The following PTPRD variants were observed in gnomAD, a reference collection of about 807,000 sequenced individuals.
PTPRD encodes protein tyrosine phosphatase receptor type D.
In PTPRD, 34 loss-of-function variants were observed where a neutral mutation model predicts 214.5. The observed-to-expected ratio is 0.16, with a 90% CI of 0.12 to 0.21. The LOEUF (loss-of-function observed/expected upper bound fraction) is 0.21. Among genes scored for constraint, PTPRD ranks in the 10% least tolerant of loss-of-function variants. The probability of loss-of-function intolerance (pLI) is 1.00; values close to 1 mark genes in which losing one functional copy is unlikely to be tolerated. For synonymous variants in PTPRD, 1,128 were observed against 845.7 expected (o/e 1.33, Z -5.79); for missense variants, 2,545 against 2,398.7 (o/e 1.06, Z -1.27).
At chr9:8,416,152 A>C (rs993746363) in intron 35 of PTPRD, among the ~76,000 whole-genome samples, 1 of 152,182 alleles carries the variant, frequency 6.6e-6, no homozygotes, top group African/African-American at 2.4e-5. Context: ...GCCTTAATAT[A>C]ATAGTAGATT....
intron 7 of PTPRD, among the ~76,000 whole-genome samples, chr9:9,677,580 G>C (rs2096961250): frequency 6.6e-6 from 1 of 151,972 alleles, no homozygotes. Context: ...AAAATAATAA[G>C]AGCTATCTAT....
At chr9:9,953,604 G>A (rs2093645959) in intron 4 of PTPRD, among the ~76,000 whole-genome samples, 1 of 151,868 alleles carries the variant, frequency 6.6e-6, no homozygotes, top group African/African-American at 2.4e-5. Flanking sequence ...TAAACAACAC[G>A]TCATGTAGGA....
chr9:9,498,350 C>A (rs1050767377), intron 8 of PTPRD, among the ~76,000 whole-genome samples: 2 of 152,090 alleles, frequency 1.3e-5, no homozygotes, highest in African/African-American at 2.4e-5. Context: ...AGAGCTGTAA[C>A]TTCTAAAGAT....
intron 7 of PTPRD, among the ~76,000 whole-genome samples, chr9:9,650,973 T>C (rs986268536): frequency 6.6e-6 from 1 of 151,974 alleles, no homozygotes; most frequent in Non-Finnish European, 1.5e-5. Flanking sequence ...TATGAGGACA[T>C]TTATATTAAA....
intron 12 of PTPRD, among the ~76,000 whole-genome samples, chr9:8,732,698 A>C (rs2098673328): frequency 6.6e-6 from 1 of 152,202 alleles, no homozygotes; most frequent in Non-Finnish European, 1.5e-5. Context: ...TATTAATGTT[A>C]TTCCTTTCAC....
At chr9:10,155,041 T>C (rs2099084805) in intron 3 of PTPRD, among the ~76,000 whole-genome samples, 1 of 152,138 alleles carries the variant, frequency 6.6e-6, no homozygotes, top group Admixed American at 6.5e-5. Context: ...TTGGGAAGTA[T>C]GGCCATTTTA....
At chr9:9,793,770 T>C (rs1175388350) in intron 5 of PTPRD, among the ~76,000 whole-genome samples, 1 of 152,110 alleles carries the variant, frequency 6.6e-6, no homozygotes, top group Non-Finnish European at 1.5e-5. Flanking sequence ...TCCTACTTGG[T>C]TTCCATTAGA....
At chr9:9,646,782 A>G (rs1247028347) in intron 7 of PTPRD, among the ~76,000 whole-genome samples, 2 of 152,162 alleles carry the variant, frequency 1.3e-5, no homozygotes, top group African/African-American at 4.8e-5. Context: ...TAAAGTTTAA[A>G]ATTAGTTTAT....
chr9:9,248,495 G>C (rs749298580), intron 9 of PTPRD, among the ~76,000 whole-genome samples: 24 of 151,978 alleles, frequency 1.6e-4, no homozygotes, highest in Non-Finnish European at 3.4e-4. Flanking sequence ...TAATGTTAGG[G>C]CAACATTTAG....
At chr9:10,020,429 G>A (rs1022748266) in intron 4 of PTPRD, among the ~76,000 whole-genome samples, 4 of 140,346 alleles carry the variant, frequency 2.9e-5, no homozygotes, top group African/African-American at 1.1e-4. Flanking sequence ...AGCCTCCCGA[G>A]TAGCTGGGAC....
intron 13 of PTPRD, among the ~76,000 whole-genome samples, chr9:8,635,231 C>T (rs995253016): frequency 2.6e-5 from 4 of 151,312 alleles, no homozygotes; most frequent in African/African-American, 9.7e-5. Flanking sequence ...AGAGATCATG[C>T]TGTGAAATAT....
At position 9,368,132 on chromosome 9, in the gene PTPRD, T is replaced by G. The variant is rs1485573897; in HGVS notation, c.-203+29317A>C. Among the ~76,000 whole-genome samples, 4 of 151,928 alleles carry G rather than the reference T, an allele frequency of 2.6e-5. No homozygotes were observed. In the East Asian group the frequency reaches 7.8e-4, roughly 30 times the overall value. On this transcript the variant is annotated intron_variant, in intron 9 of 45. Transcript: ENST00000381196. ...CGGCCCAAATTTGATTTTAAGTATG[T>G]CAAAAACTGATCAAGGCCCATGGGG... is the stretch of plus-strand genomic sequence containing the variant.
At chr9:9,202,453 T>C (rs2099942438) in intron 9 of PTPRD, among the ~76,000 whole-genome samples, 1 of 152,210 alleles carries the variant, frequency 6.6e-6, no homozygotes, top group Admixed American at 6.5e-5. Context: ...TATTGTTGGA[T>C]TGAAAATTTT....
chr9:9,720,228 A>G lies in PTPRD; in HGVS notation c.-287+14305T>C, dbSNP rs568053960. Among the ~76,000 whole-genome samples the G allele has an allele frequency of 9.2e-5, 14 of 152,270 alleles. No individual in the cohort carries two copies. The East Asian group carries it at 2.7e-3, about 29-fold the overall frequency. ...CAGTGAGCATTTTCATCCAAAGTAG[A>G]TCTTCATAATTGGAAATAATTTACA... On this transcript the variant is annotated intron_variant, in intron 7 of 45. Transcript: ENST00000381196.
At chr9:8,886,147 C>A (rs1372504600) in intron 11 of PTPRD, among the ~76,000 whole-genome samples, 2 of 152,122 alleles carry the variant, frequency 1.3e-5, no homozygotes, top group Non-Finnish European at 2.9e-5. Flanking sequence ...TTAAGTCCAG[C>A]TGATTTGTTC....
chr9:9,941,386 G>T (rs1466527953), intron 4 of PTPRD, among the ~76,000 whole-genome samples: 1 of 152,182 alleles, frequency 6.6e-6, no homozygotes, highest in Non-Finnish European at 1.5e-5. Context: ...GCAGTGGCAT[G>T]ATCTCAGCTC....
chr9:9,550,703 T>C (rs1305665313), intron 8 of PTPRD, among the ~76,000 whole-genome samples: 1 of 151,594 alleles, frequency 6.6e-6, no homozygotes, highest in African/African-American at 2.4e-5. Flanking sequence ...ATAAACTAGT[T>C]GCAAATCACT....
intron 11 of PTPRD, among the ~76,000 whole-genome samples, chr9:8,829,002 A>C (rs570210634): frequency 2.0e-5 from 3 of 152,352 alleles, no homozygotes; most frequent in South Asian, 4.2e-4. Context: ...TGTGCCAGCA[A>C]TGCCATCTAT....
chr9:9,750,415 C>A (rs761643218), intron 6 of PTPRD, among the ~76,000 whole-genome samples: 1 of 152,194 alleles, frequency 6.6e-6, no homozygotes, highest in South Asian at 2.1e-4. Flanking sequence ...ATATACAAAC[C>A]ATGATGCCTC....
Sources: allele counts gnomAD v4.1 joint callset (sites outside exome capture counted in the v4.1 genomes callset), GRCh38; gene constraint gnomAD v4.1.1; transcripts MANE v1.5; gene names NCBI Gene and HGNC (gene_info 2026-07-23, HGNC 2026-07-21).